The following MARCHF6 variants were observed in gnomAD, a reference collection of about 807,000 sequenced individuals.
The protein encoded by MARCHF6 is membrane associated ring-CH-type finger 6, also known as E3 ubiquitin-protein ligase MARCHF6.
In MARCHF6, 31 loss-of-function variants were observed where a neutral mutation model predicts 133.7. The observed-to-expected ratio is 0.23, with a 90% CI of 0.17 to 0.31. The LOEUF (loss-of-function observed/expected upper bound fraction) is 0.31, where lower values mean the gene tolerates loss of function less well. Ranked by LOEUF, MARCHF6 falls within the 10% of genes least tolerant of loss-of-function variation. The pLI is 1.00. For missense variants in MARCHF6, 723 were observed against 1,121.6 expected, an observed-to-expected ratio of 0.64 and a Z score of 5.08; for synonymous variants, 395 against 402.5, an observed-to-expected ratio of 0.98 and a Z score of 0.22.
intron 22 of MARCHF6, 116 bp from the exon 23 acceptor site, chr5:10,423,619 A>G (rs35814421): frequency 0.19 from 105,869 of 551,844 alleles, 11,974 homozygotes; most frequent in Non-Finnish European, 0.24. Context: ...AATTGTTGCC[A>G]ATCCTATAGA....
chr5:10,407,953 T>TTC (rs1739001815), intron 17 of MARCHF6, among the ~76,000 whole-genome samples: 7 of 81,872 alleles, frequency 8.5e-5, no homozygotes, highest in African/African-American at 3.8e-4. Flanking sequence ...TGAAACTGCA[T>TTC]CCCCCCCCCC....
chr5:10,415,182 A>G (rs1263654227), intron 20 of MARCHF6, among the ~76,000 whole-genome samples: 1 of 152,220 alleles, frequency 6.6e-6, no homozygotes, highest in East Asian at 1.9e-4. Context: ...TGATAAAAAC[A>G]ATGAAAACAT....
chr5:10,354,014 G>A lies in MARCHF6; in HGVS notation c.19+97G>A. The A allele has an allele frequency of 3.1e-6, 4 of 1,292,032 alleles. No homozygotes were observed. The African/African-American group carries it at 4.7e-5, about 15-fold the overall frequency. The allele number at this position is 1,292,032 out of a possible 1,614,324, so 80.0% of individuals were successfully genotyped here. On this transcript the variant is annotated intron_variant, in intron 1 of 25. Coordinates refer to ENST00000274140, the MANE Select transcript of MARCHF6 (RefSeq NM_005885.4). ...CGCTCGAGGTGGGCTGCTGGATCGC[G>A]GCGGGGCGGACGCCTGGGCCGTTTG...
chr5:10,430,049 G>T (rs756902766), intron 25 of MARCHF6, 21 bp downstream of exon 25: 5 of 1,597,886 alleles, frequency 3.1e-6, no homozygotes, highest in Non-Finnish European at 4.3e-6. Flanking sequence ...CGTTCTGTTC[G>T]TCTCTTGTTT....
At chr5:10,411,132 C>T (rs141523715) in intron 18 of MARCHF6, among the ~76,000 whole-genome samples, 2 of 152,196 alleles carry the variant, frequency 1.3e-5, no homozygotes, top group African/African-American at 4.8e-5. Context: ...TATGGGATAT[C>T]CTACAAGTTC....
At chr5:10,379,939 G>A (rs146478221) in intron 3 of MARCHF6, among the ~76,000 whole-genome samples, 1 of 151,972 alleles carries the variant, frequency 6.6e-6, no homozygotes, top group Non-Finnish European at 1.5e-5. Flanking sequence ...TTTTTCATGA[G>A]GCTAACTTTT....
At chr5:10,400,689 C>A in intron 10 of MARCHF6, 95 bp from the exon 11 acceptor site, 1 of 879,644 alleles carries the variant, frequency 1.1e-6, no homozygotes. Context: ...TTTCATTTCT[C>A]CAAGAAGCCC....
intron 1 of MARCHF6, among the ~76,000 whole-genome samples, chr5:10,375,092 G>T (rs1736688996): frequency 6.6e-6 from 1 of 152,230 alleles, no homozygotes; most frequent in African/African-American, 2.4e-5. Flanking sequence ...CCACTGCACT[G>T]TGGGAGCCCC....
chr5:10,407,812 C>T (rs1738991582), intron 17 of MARCHF6, among the ~76,000 whole-genome samples: 1 of 152,104 alleles, frequency 6.6e-6, no homozygotes, highest in Non-Finnish European at 1.5e-5. Flanking sequence ...AAAAATTAGC[C>T]ATGCGTGGTG....
intron 1 of MARCHF6, among the ~76,000 whole-genome samples, chr5:10,371,501 A>G (rs1466060177): frequency 6.6e-6 from 1 of 152,198 alleles, no homozygotes; most frequent in Non-Finnish European, 1.5e-5. Flanking sequence ...GCAGCAGGCA[A>G]AAAGAGAGAG....
rs764637967 is a variant in MARCHF6, at chr5:10,402,067, A to G, written c.981A>G (p.Ala327=). 4 of 1,575,308 alleles carry G rather than the reference A, an allele frequency of 2.5e-6. No individual in the cohort carries two copies. In the Admixed American group the frequency reaches 6.7e-5, roughly 26 times the overall value. ...VGLGFEEHVQ[A]SHFEGLITTI... is the part of the protein sequence containing the mutation. The stretch of plus-strand genomic sequence containing the variant: ...TTTTTTCTTATTTCCAGGTCCAAGC[A>G]TCTCATTTTGAAGGCCTAATCACAA... The change falls in exon 12 of 26, where the codon GCA becomes GCG. Residue 327 remains alanine (A), a synonymous_variant. Transcript: ENST00000274140.
intron 1 of MARCHF6, among the ~76,000 whole-genome samples, chr5:10,373,693 G>A (rs1736596114): frequency 6.6e-6 from 1 of 152,154 alleles, no homozygotes; most frequent in Non-Finnish European, 1.5e-5. Context: ...CCTTTGTCAT[G>A]CTGTGGCTGC....
At chr5:10,414,750 T>C (rs1198014711) in intron 20 of MARCHF6, among the ~76,000 whole-genome samples, 1 of 152,204 alleles carries the variant, frequency 6.6e-6, no homozygotes, top group East Asian at 1.9e-4. Flanking sequence ...GAAATTTGGG[T>C]CTTACTGTTC....
intron 15 of MARCHF6, 34 bp from the exon 16 acceptor site, chr5:10,405,524 G>T: frequency 1.3e-6 from 2 of 1,555,286 alleles, no homozygotes; most frequent in African/African-American, 1.4e-5. Context: ...GAAGACATTG[G>T]TGAATATTCA....
At chr5:10,425,017 TG>T (rs927284052) in intron 23 of MARCHF6, among the ~76,000 whole-genome samples, 19 of 152,328 alleles carry the variant, frequency 1.2e-4, no homozygotes, top group Admixed American at 7.2e-4. Flanking sequence ...AATGTACTTG[TG>T]GGGACCCCTC....
At chr5:10,419,253 T>G (rs1327923034) in intron 22 of MARCHF6, among the ~76,000 whole-genome samples, 1 of 152,130 alleles carries the variant, frequency 6.6e-6, no homozygotes, top group Admixed American at 6.5e-5. Context: ...AGTATAGTAT[T>G]CAGTAAATTG....
chr5:10,421,500 CTT>C, intron 22 of MARCHF6, among the ~76,000 whole-genome samples: 1 of 152,326 alleles, frequency 6.6e-6, no homozygotes, highest in Admixed American at 6.5e-5. Context: ...TAATTCATGA[CTT>C]TAAGCTACTT....
intron 3 of MARCHF6, among the ~76,000 whole-genome samples, chr5:10,379,983 T>G (rs1330165085): frequency 6.6e-6 from 1 of 152,144 alleles, no homozygotes; most frequent in African/African-American, 2.4e-5. Flanking sequence ...TATAAAATAT[T>G]TTTGCAGCCT....
chr5:10,414,325 C>A, intron 19 of MARCHF6, 108 bp from the exon 20 acceptor site: 1 of 659,848 alleles, frequency 1.5e-6, no homozygotes, highest in Non-Finnish European at 2.6e-6. Flanking sequence ...AACCTGGCAA[C>A]GCAAATATAG....
Sources: gnomAD v4.1 joint callset for allele counts (sites outside exome capture counted in the v4.1 genomes callset) on GRCh38, gnomAD v4.1.1 for gene constraint, MANE v1.5 for transcripts, NCBI Gene and HGNC (gene_info 2026-07-23, HGNC 2026-07-21) for gene names.